Variants in F2RL1 observed in about 807,000 individuals in gnomAD.
F2RL1 encodes the protein F2R like trypsin receptor 1.
In F2RL1, 16 loss-of-function variants were observed where a neutral mutation model predicts 21.7. That is an observed-to-expected ratio of 0.74 (90% CI 0.50 to 1.12). The LOEUF is 1.12. F2RL1 is among the 50% of genes most tolerant of loss of function. F2RL1 has a pLI of 0.00. For missense variants in F2RL1, 432 were observed against 477.8 expected, an observed-to-expected ratio of 0.90 and a Z score of 0.89; for synonymous variants, 181 against 186.7, an observed-to-expected ratio of 0.97 and a Z score of 0.25.
intron 1 of F2RL1, among the ~76,000 whole-genome samples, chr5:76,829,563 T>C (rs1329629872): frequency 6.6e-6 from 1 of 152,182 alleles, no homozygotes; most frequent in Non-Finnish European, 1.5e-5. Context: ...CCACAATAAC[T>C]GCACCAGTTG....
Position 76,834,278 on chromosome 5 carries a change from C to T in F2RL1, c.*477C>T, listed in dbSNP as rs1279447656. 2 of 152,886 alleles carry T rather than the reference C, an allele frequency of 1.3e-5. No homozygotes were observed. Among genetic ancestry groups the T allele is most frequent in the East Asian group, 1.9e-4 (1 of 5,224 alleles). The allele number at this position is 152,886 out of a possible 1,614,324, so 9.5% of individuals were successfully genotyped here. On this transcript the variant is annotated 3_prime_UTR_variant, in exon 2 of 2. Transcript: ENST00000296677. ...CTGCCAGAATCAGGTTTCCAATCAA[C>T]AGCAGTGAGTTGGGATTGGACAGTA...
intron 1 of F2RL1, among the ~76,000 whole-genome samples, chr5:76,819,975 G>A (rs1750099376): frequency 6.6e-6 from 1 of 152,164 alleles, no homozygotes; most frequent in South Asian, 2.1e-4. Flanking sequence ...GCGCCACGAG[G>A]ATTTACGAGC....
chr5:76,822,157 T>C (rs1362898235), intron 1 of F2RL1, among the ~76,000 whole-genome samples: 2 of 152,152 alleles, frequency 1.3e-5, no homozygotes, highest in African/African-American at 4.8e-5. Flanking sequence ...GACTCCAAAA[T>C]GTTACAGAAG....
rs1750421686 is a variant in F2RL1 at position 76,834,489 on chromosome 5, A to T, written c.*688A>T. 1 of 152,316 alleles carries T rather than the reference A, an allele frequency of 6.6e-6. No individual in the cohort carries two copies. Among genetic ancestry groups the T allele is most frequent in the African/African-American group, 2.4e-5 (1 of 41,562 alleles). 9.4% of individuals were successfully genotyped at this position (152,316 alleles called of 1,614,324 possible). A position where few individuals can be genotyped will look rare whatever the true frequency, so the allele number is the denominator to read the frequency against. On this transcript the variant is annotated 3_prime_UTR_variant, in exon 2 of 2. Coordinates refer to ENST00000296677, the MANE Select transcript of F2RL1 (RefSeq NM_005242.6). Reference sequence around the variant, plus strand: ...GAAACCTCATCTCTACTAAAAATACAAAAGTTAACCAGGTGTGTGGTGCAC... The same window carrying T: ...GAAACCTCATCTCTACTAAAAATACTAAAGTTAACCAGGTGTGTGGTGCAC...
intron 1 of F2RL1, among the ~76,000 whole-genome samples, chr5:76,829,178 T>G (rs1750301437): frequency 6.6e-6 from 1 of 152,008 alleles, no homozygotes; most frequent in African/African-American, 2.4e-5. Context: ...GGTACACACA[T>G]TATATGACTG....
At chr5:76,826,368 C>A (rs559366039) in intron 1 of F2RL1, among the ~76,000 whole-genome samples, 1 of 152,294 alleles carries the variant, frequency 6.6e-6, no homozygotes, top group African/African-American at 2.4e-5. Flanking sequence ...CTGGTCTTAG[C>A]CCTTGGCAAA....
rs905528105 is a variant in F2RL1, at chr5:76,833,544, C to G, written c.937C>G (p.Leu313Val). 1.2e-6 allele frequency: 2 copies of G among 1,613,844 alleles called. No individual in the cohort carries two copies. Among genetic ancestry groups the G allele is most frequent in the African/African-American group, 2.7e-5 (2 of 74,924 alleles). Residue 313 changes from leucine to valine, a missense_variant, in exon 2 of 2, where the codon CTG becomes GTG. Physicochemically the swap from Leu to Val is conservative, Grantham distance 32 (BLOSUM62 1). Transcript: ENST00000296677. ...CCTTCTGCTTGTGGTGCATTATTTT[C>G]TGATTAAGAGCCAGGGCCAGAGCCA... ...SNLLLVVHYFLIKSQGQSHVY... is the reference protein window; with the variant it reads ...SNLLLVVHYFVIKSQGQSHVY...
intron 1 of F2RL1, among the ~76,000 whole-genome samples, chr5:76,823,718 T>C (rs1373643514): frequency 3.3e-5 from 5 of 151,862 alleles, no homozygotes; most frequent in Non-Finnish European, 5.9e-5. Flanking sequence ...TTTATAGGAA[T>C]AGAAGGAGCA....
intron 1 of F2RL1, among the ~76,000 whole-genome samples, chr5:76,832,142 A>T (rs780901835): frequency 6.6e-6 from 1 of 151,950 alleles, no homozygotes; most frequent in Non-Finnish European, 1.5e-5. Context: ...CATGCATCCC[A>T]CAACTCCTTA....
intron 1 of F2RL1, among the ~76,000 whole-genome samples, chr5:76,820,910 A>AAC (rs1750120705): frequency 6.6e-6 from 1 of 152,214 alleles, no homozygotes; most frequent in African/African-American, 2.4e-5. Flanking sequence ...TTAGTGAAGT[A>AAC]ACACTGACAA....
chr5:76,832,659 G>A, intron 1 of F2RL1, 31 bp from the exon 2 acceptor site: 1 of 1,545,670 alleles, frequency 6.5e-7, no homozygotes, highest in East Asian at 2.3e-5. Flanking sequence ...ATTTATTTCT[G>A]TAATGACCCT....
intron 1 of F2RL1, among the ~76,000 whole-genome samples, chr5:76,828,502 A>T (rs111332169): frequency 0.045 from 1,537 of 33,824 alleles, 19 homozygotes; most frequent in South Asian, 0.16. Context: ...TTTTTTTTTT[A>T]ATATAGAGAC....
At position 76,824,165 on chromosome 5, in the gene F2RL1, C is replaced by T. The variant is rs921959357; in HGVS notation, c.82+4901C>T. ...AACTAGTCCTCCCCACCACACCCCCCCCCCCTTTTTTTTTTAAAGAGACTG... is the reference window on the plus strand; with the variant it reads ...AACTAGTCCTCCCCACCACACCCCCTCCCCCTTTTTTTTTTAAAGAGACTG... On this transcript the variant is annotated intron_variant, in intron 1 of 1. Transcript: ENST00000296677. Among the ~76,000 whole-genome samples the T allele has an allele frequency of 3.4e-4, 51 of 147,920 alleles. 2 individuals are homozygous for T. The highest frequency in any genetic ancestry group is 2.0e-4 in the East Asian group (1 of 5,042).
chr5:76,821,568 TG>T (rs1750136318), intron 1 of F2RL1, among the ~76,000 whole-genome samples: 1 of 145,764 alleles, frequency 6.9e-6, no homozygotes, highest in Non-Finnish European at 1.5e-5. Flanking sequence ...GGTTTTTTTT[TG>T]TTTTTTTGGT....
intron 1 of F2RL1, among the ~76,000 whole-genome samples, chr5:76,825,075 C>T (rs920473443): frequency 7.4e-5 from 11 of 147,826 alleles, no homozygotes; most frequent in Non-Finnish European, 1.5e-4. Context: ...GGCATGATCT[C>T]GGCTCACTGC....
chr5:76,827,487 A>T (rs1472695236), intron 1 of F2RL1, among the ~76,000 whole-genome samples: 1 of 150,714 alleles, frequency 6.6e-6, no homozygotes, highest in East Asian at 2.0e-4. Flanking sequence ...CGACAGCGAG[A>T]CTCCGTCTCA....
Position 76,833,490 on chromosome 5 carries a change from A to G in F2RL1, c.883A>G (p.Met295Val), listed in dbSNP as rs1456586749. ...AIKLIVTVLA[M>V]YLICFTPSNL... ...CAAACTCATTGTCACTGTCCTGGCC[A>G]TGTACCTGATCTGCTTCACTCCTAG... Residue 295 changes from methionine to valine, a missense_variant, in exon 2 of 2, where the codon ATG becomes GTG. Met to Val is a conservative substitution (Grantham distance 21). Coordinates refer to ENST00000296677, the MANE Select transcript of F2RL1 (RefSeq NM_005242.6). 9.3e-6 allele frequency: 15 copies of G among 1,613,630 alleles called. No individual in the cohort carries two copies. Among genetic ancestry groups the G allele is most frequent in the African/African-American group, 1.3e-5 (1 of 74,756 alleles).
In F2RL1 at chr5:76,819,104, G is replaced by T. The variant is rs1384482287; in HGVS notation, c.-79G>T. 5 of 1,186,486 alleles carry T rather than the reference G, an allele frequency of 4.2e-6. No homozygotes were observed. The highest frequency in any genetic ancestry group is 2.3e-5 in the Admixed American group (1 of 43,750). The allele number at this position is 1,186,486 out of a possible 1,614,324, so 73.5% of individuals were successfully genotyped here. ...GCAGGTGAGAGGCTGACTTTCTCTC[G>T]GTGCGTCCAGTGGAGCTCTGAGTTT... is the stretch of plus-strand genomic sequence containing the variant. On this transcript the variant is annotated 5_prime_UTR_variant, in exon 1 of 2. Coordinates refer to ENST00000296677, the MANE Select transcript of F2RL1 (RefSeq NM_005242.6).
At position 76,819,661 on chromosome 5, in the gene F2RL1, G is replaced by A. The variant is rs577810511; in HGVS notation, c.82+397G>A. On this transcript the variant is annotated intron_variant, in intron 1 of 1. Coordinates refer to ENST00000296677, the MANE Select transcript of F2RL1 (RefSeq NM_005242.6). Reference sequence around the variant, plus strand: ...GGCTTGGTTGCTTTGTAAACACTAAGTCATTAAGAGCTTTTTGCCAACTCC... The same window carrying A: ...GGCTTGGTTGCTTTGTAAACACTAAATCATTAAGAGCTTTTTGCCAACTCC... Among the ~76,000 whole-genome samples, 8 of 152,252 alleles carry A rather than the reference G, an allele frequency of 5.3e-5. No individual in the cohort carries two copies. The South Asian group carries it at 1.5e-3, about 28-fold the overall frequency.
Sources: allele counts gnomAD v4.1 joint callset (sites outside exome capture counted in the v4.1 genomes callset), GRCh38; gene constraint gnomAD v4.1.1; transcripts MANE v1.5; gene names NCBI Gene and HGNC (gene_info 2026-07-23, HGNC 2026-07-21).